HEMK2: variants seen among roughly 807,000 people sequenced by gnomAD.
HEMK2 encodes the protein HemK methyltransferase 2, ETF1 glutamine and histone H4 lysine.
chr21:28,608,082 T>A, the HEMK2 span, among the ~76,000 whole-genome samples: 1 of 152,326 alleles, frequency 6.6e-6, no homozygotes, highest in Non-Finnish European at 1.5e-5. Flanking sequence ...AGGGATATGT[T>A]AAGTTCAGTT....
At chr21:28,588,851 TG>T in the HEMK2 span, among the ~76,000 whole-genome samples, 1 of 151,700 alleles carries the variant, frequency 6.6e-6, no homozygotes. Context: ...GGCGTTGTGG[TG>T]GGCACCTGTA....
chr21:28,821,244 C>G, the HEMK2 span, among the ~76,000 whole-genome samples: 2 of 152,144 alleles, frequency 1.3e-5, no homozygotes, highest in African/African-American at 4.8e-5. Flanking sequence ...ATTCCATTGT[C>G]TAGCACTAAT....
the HEMK2 span, among the ~76,000 whole-genome samples, chr21:28,607,954 T>C: frequency 6.6e-6 from 1 of 152,202 alleles, no homozygotes; most frequent in Admixed American, 6.5e-5. Flanking sequence ...TTACATAGTA[T>C]TTTCACAAAT....
the HEMK2 span, chr21:28,878,114 ATAAAT>A: frequency 1.5e-6 from 2 of 1,293,318 alleles, no homozygotes; most frequent in Non-Finnish European, 2.1e-6. Context: ...AGGTTATCTT[ATAAAT>A]TAAAGCATTT....
At chr21:28,791,535 T>G in the HEMK2 span, among the ~76,000 whole-genome samples, 1 of 152,210 alleles carries the variant, frequency 6.6e-6, no homozygotes, top group South Asian at 2.1e-4. Flanking sequence ...TCCAACAAGA[T>G]TCCTCTTATC....
the HEMK2 span, among the ~76,000 whole-genome samples, chr21:28,816,901 T>C: frequency 2.0e-5 from 3 of 152,312 alleles, no homozygotes; most frequent in African/African-American, 7.2e-5. Flanking sequence ...CATGAGATGA[T>C]AACTTAGAAG....
At chr21:28,881,625 ATTTTTTT>A in the HEMK2 span, among the ~76,000 whole-genome samples, 18 of 100,796 alleles carry the variant, frequency 1.8e-4, no homozygotes, top group Admixed American at 1.4e-3. Context: ...GAAGCCATCA[ATTTTTTT>A]TTTTTTTTTT....
chr21:28,684,492 A>G, the HEMK2 span, among the ~76,000 whole-genome samples: 1 of 152,210 alleles, frequency 6.6e-6, no homozygotes, highest in African/African-American at 2.4e-5. Flanking sequence ...TTCAATTGAA[A>G]TCCATTTCCT....
chr21:28,838,998 T>TATATATATATATATATATATAC, the HEMK2 span, among the ~76,000 whole-genome samples: 13 of 57,958 alleles, frequency 2.2e-4, 1 homozygote, highest in Non-Finnish European at 3.6e-4. Context: ...TATATATATA[T>TATATATATATATATATATATAC]ATACATATAT....
At chr21:28,831,518 A>AGAAAGAAAGAAAGAAAGAAG in the HEMK2 span, among the ~76,000 whole-genome samples, 13 of 76,708 alleles carry the variant, frequency 1.7e-4, no homozygotes, top group South Asian at 5.0e-4. Context: ...AAAGAAAGAA[A>AGAAAGAAAGAAAGAAAGAAG]GAAAGAAGGA....
chr21:28,730,585 T>G, the HEMK2 span, among the ~76,000 whole-genome samples: 1 of 152,124 alleles, frequency 6.6e-6, no homozygotes. Flanking sequence ...TGGCAGGAAT[T>G]AGTTCCTCAC....
the HEMK2 span, among the ~76,000 whole-genome samples, chr21:28,603,595 T>TGTGTGTGTG: frequency 1.4e-4 from 8 of 58,200 alleles, no homozygotes; most frequent in African/African-American, 5.1e-4. Flanking sequence ...GTGTGTGTGT[T>TGTGTGTGTG]TTAGGTTGCA....
chr21:28,765,727 G>C, the HEMK2 span, among the ~76,000 whole-genome samples: 1 of 151,960 alleles, frequency 6.6e-6, no homozygotes, highest in African/African-American at 2.4e-5. Flanking sequence ...TGCCCCTGTA[G>C]GTCAGAATCA....
chr21:28,605,072 T>C, the HEMK2 span, among the ~76,000 whole-genome samples: 2 of 152,358 alleles, frequency 1.3e-5, no homozygotes, highest in East Asian at 3.9e-4. Context: ...GATGCACTTA[T>C]GTCAACAAAA....
chr21:28,697,378 T>C, the HEMK2 span, among the ~76,000 whole-genome samples: 1 of 152,166 alleles, frequency 6.6e-6, no homozygotes, highest in South Asian at 2.1e-4. Flanking sequence ...TTTACTCCAG[T>C]TCCCAACAGG....
the HEMK2 span, among the ~76,000 whole-genome samples, chr21:28,807,477 G>A: frequency 1.3e-5 from 2 of 152,288 alleles, no homozygotes; most frequent in Middle Eastern, 3.4e-3. Flanking sequence ...AGAGGGAGAA[G>A]CTGAACTGCA....
the HEMK2 span, among the ~76,000 whole-genome samples, chr21:28,665,139 G>T: frequency 1.3e-5 from 2 of 149,950 alleles, no homozygotes; most frequent in African/African-American, 4.9e-5. Flanking sequence ...AAAAAAATTA[G>T]CCAGGAGTGG....
chr21:28,600,197 C>G, the HEMK2 span, among the ~76,000 whole-genome samples: 2 of 152,376 alleles, frequency 1.3e-5, no homozygotes, highest in African/African-American at 4.8e-5. Context: ...TTTGGCACTG[C>G]CATAGCAGAG....
At chr21:28,867,908 C>A in the HEMK2 span, among the ~76,000 whole-genome samples, 1 of 151,902 alleles carries the variant, frequency 6.6e-6, no homozygotes, top group Non-Finnish European at 1.5e-5. Context: ...ATATTTTTTC[C>A]AAATTTAAAA....
Sources: gnomAD v4.1 joint callset for allele counts (sites outside exome capture counted in the v4.1 genomes callset) on GRCh38, gnomAD v4.1.1 for gene constraint, MANE v1.5 for transcripts, NCBI Gene and HGNC (gene_info 2026-07-23, HGNC 2026-07-21) for gene names.